Variants in GALR1 observed in about 807,000 individuals in gnomAD.
The protein encoded by GALR1 is galanin receptor 1.
In GALR1, 11 loss-of-function variants were observed where a neutral mutation model predicts 17.9. The observed-to-expected ratio is 0.62, with a 90% CI of 0.39 to 1.02. GALR1 has a LOEUF of 1.02. Ranked by LOEUF, GALR1 falls within the 50% of genes least tolerant of loss-of-function variation. The pLI, the probability that GALR1 is intolerant of heterozygous loss-of-function variation, is 0.01. For missense variants in GALR1, 441 were observed against 456.9 expected (o/e 0.97, Z 0.32); for synonymous variants, 206 against 205.7 (o/e 1.00, Z -0.01).
At chr18:77,260,707 A>T (rs1912812076) in intron 2 of GALR1, among the ~76,000 whole-genome samples, 1 of 152,244 alleles carries the variant, frequency 6.6e-6, no homozygotes, top group Admixed American at 6.5e-5. Context: ...GCAAAAGAAG[A>T]ATAGGATTTC....
chr18:77,267,499 C>A (rs1912967799), intron 2 of GALR1, among the ~76,000 whole-genome samples: 1 of 152,168 alleles, frequency 6.6e-6, no homozygotes, highest in Non-Finnish European at 1.5e-5. Flanking sequence ...CATGTGGTCC[C>A]ATCATCGGTC....
chr18:77,255,382 G>A (rs1912562526), intron 1 of GALR1, among the ~76,000 whole-genome samples: 1 of 152,234 alleles, frequency 6.6e-6, no homozygotes, highest in South Asian at 2.1e-4. Context: ...GAGGGAGTCA[G>A]TGTGTTTCAA....
At chr18:77,263,788 T>C (rs191404820) in intron 2 of GALR1, among the ~76,000 whole-genome samples, 2 of 152,294 alleles carry the variant, frequency 1.3e-5, no homozygotes, top group African/African-American at 4.8e-5. Flanking sequence ...TCATGCGTTA[T>C]AGTCTGGTTG....
chr18:77,259,311 GTGA>G (rs779189341), intron 2 of GALR1, among the ~76,000 whole-genome samples: 4 of 19,386 alleles, frequency 2.1e-4, no homozygotes, highest in African/African-American at 1.7e-4. Context: ...GATGATGGTG[GTGA>G]TGATGGTGGT....
intron 1 of GALR1, among the ~76,000 whole-genome samples, chr18:77,252,631 T>A (rs1206841044): frequency 6.6e-6 from 1 of 152,062 alleles, no homozygotes; most frequent in Non-Finnish European, 1.5e-5. Flanking sequence ...GTGGATCACC[T>A]GAGGTCGGGA....
chr18:77,267,561 T>G (rs1912969912), intron 2 of GALR1, among the ~76,000 whole-genome samples: 1 of 152,236 alleles, frequency 6.6e-6, no homozygotes, highest in Non-Finnish European at 1.5e-5. Flanking sequence ...AGGTTGTGTG[T>G]GGGTTTTGAG....
chr18:77,250,753 A>G lies in GALR1; in HGVS notation c.205A>G (p.Thr69Ala). The change falls in exon 1 of 3, where the codon ACC becomes GCC. Residue 69 changes from threonine to alanine, a missense_variant. Transcript: ENST00000299727. ...CAGCAAGCCGGGCAAGCCGCGGAGCACCACCAACCTGTTCATCCTCAACCT... is the reference window on the plus strand; with the variant it reads ...CAGCAAGCCGGGCAAGCCGCGGAGCGCCACCAACCTGTTCATCCTCAACCT... ...ARSKPGKPRSTTNLFILNLSI... is the reference protein window; with the variant it reads ...ARSKPGKPRSATNLFILNLSI... 6.2e-7 allele frequency: 1 copy of G among 1,613,892 alleles called. No homozygotes were observed. The highest frequency in any genetic ancestry group is 8.5e-7 in the Non-Finnish European group (1 of 1,179,978).
rs1316433502 is a variant in GALR1, at chr18:77,250,725, G to C, written c.177G>C (p.Ala59=). The C allele has an allele frequency of 7.4e-6, 12 of 1,613,638 alleles. No individual in the cohort carries two copies. The Admixed American group carries it at 1.8e-4, about 25-fold the overall frequency. Residue 59 remains alanine, a synonymous_variant, in exon 1 of 3, where the codon GCG becomes GCC. Coordinates refer to ENST00000299727, the MANE Select transcript of GALR1 (RefSeq NM_001480.4). Reference sequence around the variant, plus strand: ...ACAGCCTAGTGATCACCGTGCTGGCGCGCAGCAAGCCGGGCAAGCCGCGGA... The same window carrying C: ...ACAGCCTAGTGATCACCGTGCTGGCCCGCAGCAAGCCGGGCAAGCCGCGGA... ...LGNSLVITVL[A]RSKPGKPRST...
chr18:77,250,421 G>T lies in GALR1; in HGVS notation c.-128G>T, dbSNP rs963708506. On this transcript the variant is annotated 5_prime_UTR_variant, in exon 1 of 3. Transcript: ENST00000299727. ...CCGCTCCCGCTGGCTCGCGCCTCGG[G>T]GGAAGCTCAGACTCCTAAACTCGCA... 12 of 1,013,056 alleles carry T rather than the reference G, an allele frequency of 1.2e-5. No individual in the cohort carries two copies. Among genetic ancestry groups the T allele is most frequent in the Non-Finnish European group, 1.6e-5 (12 of 749,344 alleles). 62.8% of individuals were successfully genotyped at this position (1,013,056 alleles called of 1,614,324 possible). A position where few individuals can be genotyped will look rare whatever the true frequency, so the allele number is the denominator to read the frequency against.
chr18:77,255,879 C>T (rs1912576618), intron 1 of GALR1, among the ~76,000 whole-genome samples: 1 of 152,098 alleles, frequency 6.6e-6, no homozygotes, highest in African/African-American at 2.4e-5. Context: ...TGGGCAAAAC[C>T]CCAGAGCTCC....
chr18:77,259,021 G>A (rs1324142149), intron 2 of GALR1, among the ~76,000 whole-genome samples: 4 of 42,228 alleles, frequency 9.5e-5, no homozygotes, highest in Non-Finnish European at 1.7e-4. Flanking sequence ...GGTGGTGTTG[G>A]TGTTGGTGGT....
chr18:77,266,787 G>T (rs955964900), intron 2 of GALR1, among the ~76,000 whole-genome samples: 1 of 152,178 alleles, frequency 6.6e-6, no homozygotes, highest in Non-Finnish European at 1.5e-5. Context: ...ACTGTCACGA[G>T]AACAGCATGA....
Position 77,271,259 on chromosome 18 carries a change from C to CG in GALR1, c.*2358dup, listed in dbSNP as rs1555673533. On this transcript the variant is annotated 3_prime_UTR_variant, in exon 3 of 3. Transcript: ENST00000299727. ...CTTGCGCTTGAAACCCCCCCCCCCC[C>CG]GCCACTTTGCTAAATGTAAATGCTA... The CG allele has an allele frequency of 3.2e-5, 3 of 94,862 alleles. No individual in the cohort carries two copies. The highest frequency in any genetic ancestry group is 4.4e-5 in the Non-Finnish European group (2 of 45,144). 5.9% of individuals were successfully genotyped at this position (94,862 alleles called of 1,614,324 possible). A position where few individuals can be genotyped will look rare whatever the true frequency, so the allele number is the denominator to read the frequency against.
rs74750597 is a variant in GALR1 at position 77,260,566 on chromosome 18, G to A, written c.732+4343G>A. Among the ~76,000 whole-genome samples the A allele has an allele frequency of 2.7e-4, 41 of 152,342 alleles. No homozygotes were observed. The East Asian group carries it at 7.7e-3, about 29-fold the overall frequency. ...TTATGAATTTTTTGGACGGGGTGGG[G>A]ACATAAACTTTGAGATGGTGCCGCC... On this transcript the variant is annotated intron_variant, in intron 2 of 2. Coordinates refer to ENST00000299727, the MANE Select transcript of GALR1 (RefSeq NM_001480.4).
chr18:77,257,117 A>G (rs377309011), intron 2 of GALR1, among the ~76,000 whole-genome samples: 1 of 152,214 alleles, frequency 6.6e-6, no homozygotes, highest in African/African-American at 2.4e-5. Flanking sequence ...AGTTTAGATC[A>G]TGTTTAATCA....
At chr18:77,260,445 C>T (rs193230148) in intron 2 of GALR1, among the ~76,000 whole-genome samples, 39 of 152,244 alleles carry the variant, frequency 2.6e-4, no homozygotes, top group African/African-American at 9.4e-4. Context: ...CATAAGGGCA[C>T]GGATCCCATT....
At chr18:77,252,149 T>C (rs1912433032) in intron 1 of GALR1, among the ~76,000 whole-genome samples, 1 of 152,202 alleles carries the variant, frequency 6.6e-6, no homozygotes, top group Non-Finnish European at 1.5e-5. Context: ...TTTTTCTCAT[T>C]AAGTCCACAA....
rs137888300 is a variant in GALR1 at position 77,250,858 on chromosome 18, G to C, written c.310G>C (p.Gly104Arg). ...GTACGCGCTGCCCACCTGGGTGCTG[G>C]GCGCCTTCATCTGCAAGTTCATCCA... The part of the protein sequence containing the change: ...TVYALPTWVL[G>R]AFICKFIHYF... Residue 104 changes from glycine to arginine, a missense_variant, in exon 1 of 3, where the codon GGC (glycine) becomes CGC (arginine). Gly to Arg is a moderately radical substitution (Grantham distance 125). Coordinates refer to ENST00000299727, the MANE Select transcript of GALR1 (RefSeq NM_001480.4). The C allele has an allele frequency of 1.2e-6, 2 of 1,612,246 alleles. No individual in the cohort carries two copies. The highest frequency in any genetic ancestry group is 1.7e-6 in the Non-Finnish European group (2 of 1,180,012).
chr18:77,277,297 G>A lies in GALR1; in HGVS notation c.*8395G>A, dbSNP rs563616271. On this transcript the variant is annotated 3_prime_UTR_variant, in exon 3 of 3. Coordinates refer to ENST00000299727, the MANE Select transcript of GALR1 (RefSeq NM_001480.4). ...CACCTTGAATTGTAATAATCCTCACGTGTCAAGGACCAGCAGGTGGAGATA... is the reference window on the plus strand; with the variant it reads ...CACCTTGAATTGTAATAATCCTCACATGTCAAGGACCAGCAGGTGGAGATA... 4.6e-5 allele frequency: 7 copies of A among 152,248 alleles called. No homozygotes were observed. The highest frequency in any genetic ancestry group is 1.9e-4 in the East Asian group (1 of 5,184). The allele number at this position is 152,248 out of a possible 1,614,324, so 9.4% of individuals were successfully genotyped here. A position where few individuals can be genotyped will look rare whatever the true frequency, so the allele number is the denominator to read the frequency against.
Sources: allele counts gnomAD v4.1 joint callset (sites outside exome capture counted in the v4.1 genomes callset), GRCh38; gene constraint gnomAD v4.1.1; transcripts MANE v1.5; gene names NCBI Gene and HGNC (gene_info 2026-07-23, HGNC 2026-07-21).